The following RP1 variants were observed in gnomAD, a reference collection of about 807,000 sequenced individuals.
RP1 encodes RP1 axonemal microtubule associated.
RP1 carries 16 observed loss-of-function variants against 14.8 expected under a neutral mutation model. That is an observed-to-expected ratio of 1.08 (90% CI 0.73 to 1.65). RP1 has a LOEUF of 1.65. RP1 is among the 40% of genes most tolerant of loss of function. The pLI, the probability that RP1 is intolerant of heterozygous loss-of-function variation, is 0.00. For synonymous variants in RP1, 876 were observed against 883.6 expected (o/e 0.99, Z 0.15); for missense variants, 2,631 against 2,535.0 (o/e 1.04, Z -0.81).
At chr8:54,650,092 A>T (rs912502523) in intron 4 of RP1, among the ~76,000 whole-genome samples, 3 of 152,184 alleles carry the variant, frequency 2.0e-5, no homozygotes, top group African/African-American at 7.2e-5. Context: ...ATATATTCAC[A>T]TAGTTTATAG....
intron 1 of RP1, among the ~76,000 whole-genome samples, chr8:54,592,604 A>G (rs1160884413): frequency 6.6e-6 from 1 of 152,006 alleles, no homozygotes; most frequent in Non-Finnish European, 1.5e-5. Context: ...CCGGGGTCGG[A>G]TTTGGTTGCT....
chr8:54,629,163 C>T lies in RP1; in HGVS notation c.5281C>T (p.Pro1761Ser), dbSNP rs770060978. The T allele has an allele frequency of 6.2e-7, 1 of 1,614,080 alleles. No individual in the cohort carries two copies. Among genetic ancestry groups the T allele is most frequent in the Non-Finnish European group, 8.5e-7 (1 of 1,179,964 alleles). Reference protein sequence around the residue: ...NHLLRMSSENPGMCGNADTTS... With the variant: ...NHLLRMSSENSGMCGNADTTS... ...TTTGCTAAGGATGTCATCTGAAAAT[C>T]CTGGCATGTGTGGCAATGCAGACAC... The change falls in exon 4 of 4, where the codon CCT becomes TCT. Residue 1761 changes from proline to serine, a missense_variant. By Grantham distance (74) the Pro-to-Ser change is moderately conservative. Coordinates refer to ENST00000220676, the MANE Select transcript of RP1 (RefSeq NM_006269.2).
downstream of RP1, among the ~76,000 whole-genome samples, chr8:54,771,307 A>C (rs1809898328): frequency 6.6e-6 from 1 of 152,054 alleles, no homozygotes; most frequent in South Asian, 2.1e-4. Context: ...TGACATTCTA[A>C]GTAGAAAAAT....
intron 1 of RP1, among the ~76,000 whole-genome samples, chr8:54,620,188 C>T (rs1805820544): frequency 1.3e-5 from 2 of 152,202 alleles, no homozygotes; most frequent in African/African-American, 4.8e-5. Flanking sequence ...GACTTTTCCC[C>T]AATTCATATA....
intron 17 of RP1, among the ~76,000 whole-genome samples, chr8:54,732,270 ACTC>A (rs1283734887): frequency 6.6e-6 from 1 of 151,824 alleles, no homozygotes; most frequent in Non-Finnish European, 1.5e-5. Context: ...TTTTCTGCCC[ACTC>A]CTCAATTACT....
In RP1 at chr8:54,625,888, C is replaced by A. The variant is rs1334715730; in HGVS notation, c.2006C>A (p.Ala669Asp). ...GAAAAGAAGATTTTGTCATCTGTTG[C>A]CAGCAAAAAGAAGAAAAAATCTCGA... ...KNEKKILSSV[A>D]SKKKKKSRQQ... is the part of the protein sequence containing the mutation. Residue 669 changes from alanine to aspartate, a missense_variant, in exon 4 of 4, where the codon GCC becomes GAC. Physicochemically the swap from Ala to Asp is moderately radical, Grantham distance 126. Coordinates refer to ENST00000220676, the MANE Select transcript of RP1 (RefSeq NM_006269.2). 1.2e-6 allele frequency: 2 copies of A among 1,613,726 alleles called. No individual in the cohort carries two copies. Among genetic ancestry groups the A allele is most frequent in the Admixed American group, 1.7e-5 (1 of 59,988 alleles).
Position 54,625,832 on chromosome 8 carries a change from T to C in RP1, c.1950T>C (p.Ala650=). The C allele has an allele frequency of 6.2e-7, 1 of 1,613,496 alleles. No individual in the cohort carries two copies. Among genetic ancestry groups the C allele is most frequent in the South Asian group, 1.1e-5 (1 of 91,078 alleles). The change falls in exon 4 of 4, where the codon GCT becomes GCC. Residue 650 remains alanine (A), a synonymous_variant. Transcript: ENST00000220676. ...TTGACAGACTAATTAATGAATTTGC[T>C]CAGTGTGGTTTAACAAAACTTCCAA... ...ARIDRLINEF[A]QCGLTKLPKN...
At chr8:54,659,627 G>C (rs1177090206) in intron 6 of RP1, among the ~76,000 whole-genome samples, 1 of 151,984 alleles carries the variant, frequency 6.6e-6, no homozygotes, top group East Asian at 1.9e-4. Context: ...TATTACTGTT[G>C]CTTTGTCATA....
At chr8:54,571,645 C>T (rs1033761507) in intron 1 of RP1, among the ~76,000 whole-genome samples, 7 of 152,140 alleles carry the variant, frequency 4.6e-5, no homozygotes, top group African/African-American at 1.7e-4. Flanking sequence ...AACAAAGCAC[C>T]ATAAACTGGG....
In RP1 at chr8:54,663,765, A is replaced by G. The variant is rs1459606987; in HGVS notation, c.1238A>G (p.Tyr413Cys). The G allele has an allele frequency of 6.5e-6, 10 of 1,535,352 alleles. No homozygotes were observed. The South Asian group carries it at 7.1e-5, about 11-fold the overall frequency. ...AATGCTGGAACAGTAGCAAACGTCT[A>G]CATTTCTATCCATGGGGAAAAGGGA... The change falls in exon 7 of 23, where the codon TAC (tyrosine) becomes TGC (cysteine). Residue 413 changes from tyrosine to cysteine, a missense_variant. Coordinates refer to the RP1 transcript ENST00000636932.
intron 7 of RP1, among the ~76,000 whole-genome samples, chr8:54,671,495 A>G (rs1807180025): frequency 6.6e-6 from 1 of 151,778 alleles, no homozygotes; most frequent in African/African-American, 2.4e-5. Context: ...GTGTCTCATG[A>G]GTTTCTTATG....
intron 27 of RP1, among the ~76,000 whole-genome samples, chr8:54,861,128 C>G (rs1342064974): frequency 2.0e-5 from 3 of 152,152 alleles, no homozygotes; most frequent in African/African-American, 7.2e-5. Flanking sequence ...AATAGAGTAT[C>G]CAGGTTACGT....
chr8:54,671,458 G>A (rs911110549), intron 7 of RP1, among the ~76,000 whole-genome samples: 5 of 151,798 alleles, frequency 3.3e-5, no homozygotes, highest in Non-Finnish European at 2.9e-5. Context: ...TTAAATTCCC[G>A]TAATGCATAT....
chr8:54,845,789 C>T (rs879483131), intron 25 of RP1, among the ~76,000 whole-genome samples: 11 of 152,288 alleles, frequency 7.2e-5, no homozygotes, highest in Admixed American at 5.9e-4. Flanking sequence ...GTGAGGCAGC[C>T]GCCTGCTCCT....
intron 16 of RP1, among the ~76,000 whole-genome samples, chr8:54,726,106 C>A (rs543870321): frequency 6.6e-6 from 1 of 152,080 alleles, no homozygotes; most frequent in Non-Finnish European, 1.5e-5. Context: ...TGTTAACTAT[C>A]GTTCGGATTT....
intron 22 of RP1, among the ~76,000 whole-genome samples, chr8:54,760,456 A>G (rs1420770170): frequency 1.3e-5 from 2 of 152,042 alleles, no homozygotes; most frequent in African/African-American, 4.8e-5. Context: ...ATTCTTTAGT[A>G]TTTTATTGTA....
intron 1 of RP1, among the ~76,000 whole-genome samples, chr8:54,571,593 C>A (rs551568246): frequency 6.6e-6 from 1 of 152,182 alleles, no homozygotes; most frequent in African/African-American, 2.4e-5. Context: ...TCAAGTCTTC[C>A]TTTTCAGATG....
intron 12 of RP1, among the ~76,000 whole-genome samples, chr8:54,688,304 C>T (rs1437532870): frequency 6.6e-6 from 1 of 152,152 alleles, no homozygotes; most frequent in Non-Finnish European, 1.5e-5. Flanking sequence ...TGCACAGAAG[C>T]TCTTTAGTTT....
At chr8:54,634,841 G>A (rs1029510381), downstream of RP1, among the ~76,000 whole-genome samples, 1 of 152,066 alleles carries the variant, frequency 6.6e-6, no homozygotes, top group Admixed American at 6.5e-5. Context: ...CAGCACTTTG[G>A]GAGGCCAAGG....
Sources: allele counts gnomAD v4.1 joint callset (sites outside exome capture counted in the v4.1 genomes callset), GRCh38; gene constraint gnomAD v4.1.1; transcripts MANE v1.5; gene names NCBI Gene and HGNC (gene_info 2026-07-23, HGNC 2026-07-21).